Variants in KCTD8 observed in about 807,000 individuals in gnomAD.
KCTD8 encodes BTB/POZ domain-containing protein KCTD8.
A neutral mutation model predicts 31.5 loss-of-function variants in KCTD8; 27 were observed. The observed-to-expected ratio is 0.86, with a 90% CI of 0.63 to 1.18. The LOEUF (loss-of-function observed/expected upper bound fraction) is 1.18, where lower values mean the gene tolerates loss of function less well. Among genes scored for constraint, KCTD8 ranks in the 50% most tolerant of loss-of-function variants. The pLI is 0.00. For missense variants in KCTD8, 658 were observed against 647.7 expected (o/e 1.02, Z -0.17); for synonymous variants, 290 against 280.0 (o/e 1.04, Z -0.36).
chr4:44,385,997 A>G (rs1447963520), intron 1 of KCTD8, among the ~76,000 whole-genome samples: 3 of 151,642 alleles, frequency 2.0e-5, no homozygotes, highest in Non-Finnish European at 3.0e-5. Flanking sequence ...CAAAATGCCA[A>G]TGAGGTACCA....
At chr4:44,229,497 T>G (rs1365531819) in intron 1 of KCTD8, among the ~76,000 whole-genome samples, 1 of 152,102 alleles carries the variant, frequency 6.6e-6, no homozygotes, top group Non-Finnish European at 1.5e-5. Context: ...CTTGCTCACT[T>G]CCCAAGGGTA....
rs995374802 is a variant in KCTD8 at position 44,444,434 on chromosome 4, C to T, written c.961+3129G>A. Among the ~76,000 whole-genome samples, 3 of 152,194 alleles carry T rather than the reference C, an allele frequency of 2.0e-5. No individual in the cohort carries two copies. In the East Asian group the frequency reaches 5.8e-4, roughly 29 times the overall value. On this transcript the variant is annotated intron_variant, in intron 1 of 1. Transcript: ENST00000360029. ...AGTATAGTATGCTATCATTTAATTG[C>T]AAAATAATTTTTCCATTAACTTTAC...
chr4:44,365,108 G>T (rs1294622470), intron 1 of KCTD8, among the ~76,000 whole-genome samples: 1 of 152,090 alleles, frequency 6.6e-6, no homozygotes, highest in African/African-American at 2.4e-5. Flanking sequence ...TTAATCAGTT[G>T]TAACAAATAT....
At chr4:44,226,773 G>A (rs1033142937) in intron 1 of KCTD8, among the ~76,000 whole-genome samples, 16 of 152,158 alleles carry the variant, frequency 1.1e-4, no homozygotes, top group African/African-American at 3.1e-4. Context: ...GTTTTGATTT[G>A]CATTTCTCTA....
intron 1 of KCTD8, among the ~76,000 whole-genome samples, chr4:44,270,704 A>G (rs952379277): frequency 1.3e-5 from 2 of 152,088 alleles, no homozygotes; most frequent in East Asian, 3.9e-4. Flanking sequence ...GAAAGCACAA[A>G]TGGGTCGTTG....
chr4:44,268,895 A>T (rs1369684538), intron 1 of KCTD8, among the ~76,000 whole-genome samples: 1 of 152,238 alleles, frequency 6.6e-6, no homozygotes, highest in Non-Finnish European at 1.5e-5. Flanking sequence ...AAAAGAGGAT[A>T]CAAAGAAATG....
chr4:44,383,171 A>C (rs1203993260), intron 1 of KCTD8, among the ~76,000 whole-genome samples: 1 of 152,048 alleles, frequency 6.6e-6, no homozygotes, highest in Non-Finnish European at 1.5e-5. Flanking sequence ...AACTTGAAAA[A>C]GACACCAAAA....
intron 1 of KCTD8, among the ~76,000 whole-genome samples, chr4:44,421,000 C>G (rs1260944752): frequency 6.6e-6 from 1 of 151,780 alleles, no homozygotes; most frequent in Non-Finnish European, 1.5e-5. Flanking sequence ...CAGTGACTTT[C>G]TAATAGAAAG....
At chr4:44,438,227 T>C (rs566206754) in intron 1 of KCTD8, among the ~76,000 whole-genome samples, 1 of 152,208 alleles carries the variant, frequency 6.6e-6, no homozygotes, top group East Asian at 1.9e-4. Flanking sequence ...TATGTCAGAG[T>C]GGTTTCAATT....
In KCTD8 at chr4:44,389,639, G is replaced by C. The variant is rs965210049; in HGVS notation, c.961+57924C>G. Among the ~76,000 whole-genome samples, 5 of 151,866 alleles carry C rather than the reference G, an allele frequency of 3.3e-5. No homozygotes were observed. The South Asian group carries it at 8.3e-4, about 25-fold the overall frequency. Reference sequence around the variant, plus strand: ...TTAATGAGTATGGAGTTTAAGTTTTGCAAGATGTAAAGAGTTCTGGAGATT... The same window carrying C: ...TTAATGAGTATGGAGTTTAAGTTTTCCAAGATGTAAAGAGTTCTGGAGATT... On this transcript the variant is annotated intron_variant, in intron 1 of 1. Coordinates refer to ENST00000360029, the MANE Select transcript of KCTD8 (RefSeq NM_198353.3).
chr4:44,338,508 G>GT (rs1165156329), intron 1 of KCTD8, among the ~76,000 whole-genome samples: 1 of 152,162 alleles, frequency 6.6e-6, no homozygotes, highest in African/African-American at 2.4e-5. Context: ...AAACTGCAGT[G>GT]TATTTGCCTT....
At chr4:44,395,145 T>C (rs1230261604) in intron 1 of KCTD8, among the ~76,000 whole-genome samples, 1 of 152,038 alleles carries the variant, frequency 6.6e-6, no homozygotes, top group African/African-American at 2.4e-5. Flanking sequence ...CTCCAACTTT[T>C]GCAGCAAGAA....
rs1383134062 is a variant in KCTD8, at chr4:44,447,636, C to CGAG, written c.885_887dup (p.Ser296dup). On this transcript the variant is annotated inframe_insertion, in exon 1 of 2. Transcript: ENST00000360029. ...ACTGGTTGACGAAGGCGGCGGTGCC[C>CGAG]GAGGAGTTACACGCCACCATGTGGA... 1 of 1,608,256 alleles carries CGAG rather than the reference C, an allele frequency of 6.2e-7. No individual in the cohort carries two copies.
At chr4:44,277,674 C>T (rs956251983) in intron 1 of KCTD8, among the ~76,000 whole-genome samples, 15 of 151,820 alleles carry the variant, frequency 9.9e-5, no homozygotes, top group East Asian at 1.9e-4. Context: ...TAGTAATGCA[C>T]ATTATGGAGC....
At chr4:44,264,800 T>C (rs141322419) in intron 1 of KCTD8, among the ~76,000 whole-genome samples, 4,590 of 152,086 alleles carry the variant, frequency 0.03, 240 homozygotes, top group African/African-American at 0.11. Context: ...AGCACAGCAG[T>C]CTGAGATCAA....
chr4:44,444,586 C>T (rs958132094), intron 1 of KCTD8, among the ~76,000 whole-genome samples: 1 of 152,132 alleles, frequency 6.6e-6, no homozygotes, highest in Non-Finnish European at 1.5e-5. Flanking sequence ...GAGTCAGGCA[C>T]TAATCTAAGC....
intron 1 of KCTD8, among the ~76,000 whole-genome samples, chr4:44,407,045 A>G (rs1720814776): frequency 6.6e-6 from 1 of 152,212 alleles, no homozygotes; most frequent in African/African-American, 2.4e-5. Flanking sequence ...GGCATGTCCA[A>G]TTCATTGCTT....
intron 1 of KCTD8, among the ~76,000 whole-genome samples, chr4:44,183,912 C>T (rs751716989): frequency 2.6e-5 from 4 of 152,184 alleles, no homozygotes; most frequent in Non-Finnish European, 5.9e-5. Context: ...GGTACTTAAA[C>T]AGAATGAACC....
Position 44,448,512 on chromosome 4 carries a change from CT to C in KCTD8, c.11del (p.Lys4ArgfsTer42). On this transcript the variant is annotated frameshift_variant, in exon 1 of 2. Transcript: ENST00000360029. LOFTEE classifies it high-confidence loss of function. The surrounding 1 kb of genome is among the most constrained non-coding windows in gnomAD (Gnocchi z 4.1). Reference protein sequence around the residue: MALKDTGSGGSTIL... With the variant: MALXDTGSGGSTIL... Reference sequence around the variant, plus strand: ...TGGTGCTGCCGCCGCTGCCCGTGTCCTTCAGAGCCATAGTCCCCCCGCCGCC... The same window carrying C: ...TGGTGCTGCCGCCGCTGCCCGTGTCCTCAGAGCCATAGTCCCCCCGCCGCC... 1 of 1,482,144 alleles carries C rather than the reference CT, an allele frequency of 6.7e-7. No homozygotes were observed. Among genetic ancestry groups the C allele is most frequent in the South Asian group, 1.4e-5 (1 of 70,078 alleles). 91.8% of individuals were successfully genotyped at this position (1,482,144 alleles called of 1,614,324 possible).
Sources: allele counts gnomAD v4.1 joint callset (sites outside exome capture counted in the v4.1 genomes callset), GRCh38; gene constraint gnomAD v4.1.1; non-coding constraint Gnocchi (gnomAD v3.1); transcripts MANE v1.5; gene names NCBI Gene and HGNC (gene_info 2026-07-23, HGNC 2026-07-21).